Variants in BMP6 observed in about 807,000 individuals in gnomAD.
BMP6 encodes the protein bone morphogenetic protein 6.
Under a neutral mutation model 54.1 loss-of-function variants are expected in BMP6, and 17 were observed. That is an observed-to-expected ratio of 0.31 (90% CI 0.22 to 0.47). The LOEUF is 0.47. BMP6 is among the 20% of genes least tolerant of loss of function. The pLI, the probability that BMP6 is intolerant of heterozygous loss-of-function variation, is 1.00. For synonymous variants in BMP6, 328 were observed against 291.2 expected (o/e 1.13, Z -1.28); for missense variants, 720 against 690.4 (o/e 1.04, Z -0.48).
At chr6:7,852,912 T>G (rs1759168453) in intron 2 of BMP6, among the ~76,000 whole-genome samples, 1 of 152,146 alleles carries the variant, frequency 6.6e-6, no homozygotes, top group African/African-American at 2.4e-5. Context: ...GAGATCACTT[T>G]TATGAGCTCA....
chr6:7,790,931 C>G (rs1407880783), intron 1 of BMP6, among the ~76,000 whole-genome samples: 1 of 152,140 alleles, frequency 6.6e-6, no homozygotes, highest in Non-Finnish European at 1.5e-5. Flanking sequence ...TGTTCGAGTC[C>G]ACCCTTTCTG....
intron 1 of BMP6, among the ~76,000 whole-genome samples, chr6:7,747,020 C>T (rs1485624466): frequency 6.6e-6 from 1 of 152,220 alleles, no homozygotes; most frequent in Non-Finnish European, 1.5e-5. Flanking sequence ...GACACACTCT[C>T]CTCCTTTCTA....
intron 1 of BMP6, among the ~76,000 whole-genome samples, chr6:7,750,656 T>C (rs1466190713): frequency 1.3e-5 from 2 of 152,186 alleles, no homozygotes; most frequent in African/African-American, 2.4e-5. Context: ...AACTTGAAAT[T>C]TTTTTTAAAA....
chr6:7,834,083 C>G (rs770341448), intron 1 of BMP6, among the ~76,000 whole-genome samples: 3 of 151,576 alleles, frequency 2.0e-5, no homozygotes, highest in Non-Finnish European at 4.4e-5. Context: ...GGGTCTGGGA[C>G]AGGGTAGTGG....
At chr6:7,857,791 A>G (rs371562249) in intron 2 of BMP6, among the ~76,000 whole-genome samples, 1 of 152,250 alleles carries the variant, frequency 6.6e-6, no homozygotes, top group South Asian at 2.1e-4. Context: ...TTTGTCATCA[A>G]CAGCATCTCT....
At chr6:7,850,197 C>T (rs1297641915) in intron 2 of BMP6, among the ~76,000 whole-genome samples, 1 of 152,108 alleles carries the variant, frequency 6.6e-6, no homozygotes, top group Admixed American at 6.6e-5. Flanking sequence ...TGCTGGAGTG[C>T]AGTGGTGCGA....
chr6:7,856,595 A>ATTTTCTTTTTTTTTTTTTTTTTT (rs1759237101), intron 2 of BMP6, among the ~76,000 whole-genome samples: 1 of 83,116 alleles, frequency 1.2e-5, no homozygotes, highest in East Asian at 7.2e-4. Context: ...TATCAAGAGC[A>ATTTTCTTTTTTTTTTTTTTTTTT]TTTTTTTTTT....
At chr6:7,805,702 G>A (rs1277252832) in intron 1 of BMP6, among the ~76,000 whole-genome samples, 1 of 152,220 alleles carries the variant, frequency 6.6e-6, no homozygotes, top group African/African-American at 2.4e-5. Flanking sequence ...TTTGGTACAA[G>A]AGCTCTTCCG....
At chr6:7,750,282 G>A (rs912550329) in intron 1 of BMP6, among the ~76,000 whole-genome samples, 1 of 152,162 alleles carries the variant, frequency 6.6e-6, no homozygotes, top group Non-Finnish European at 1.5e-5. Context: ...ATTCGTCTAA[G>A]AGCATGCTGT....
intron 1 of BMP6, among the ~76,000 whole-genome samples, chr6:7,808,937 A>AC (rs944467964): frequency 6.6e-6 from 1 of 151,120 alleles, no homozygotes; most frequent in Non-Finnish European, 1.5e-5. Context: ...AAAAAAAAAA[A>AC]ATTGGTGAAC....
At chr6:7,815,593 A>G (rs1000455207) in intron 1 of BMP6, among the ~76,000 whole-genome samples, 2 of 152,266 alleles carry the variant, frequency 1.3e-5, no homozygotes, top group African/African-American at 4.8e-5. Context: ...TTGAAATTAC[A>G]GTATTATGAA....
chr6:7,789,586 G>A (rs1364883821), intron 1 of BMP6, among the ~76,000 whole-genome samples: 1 of 152,148 alleles, frequency 6.6e-6, no homozygotes, highest in Non-Finnish European at 1.5e-5. Flanking sequence ...GATATTGAGG[G>A]GCAGATGGAC....
chr6:7,856,620 G>T, intron 2 of BMP6, among the ~76,000 whole-genome samples: 2 of 44,346 alleles, frequency 4.5e-5, no homozygotes, highest in Non-Finnish European at 7.9e-5. Flanking sequence ...TTTTTGAGAC[G>T]GAGTCTCGCT....
intron 1 of BMP6, among the ~76,000 whole-genome samples, chr6:7,756,079 A>G (rs190102748): frequency 3.4e-4 from 51 of 152,230 alleles, no homozygotes; most frequent in African/African-American, 1.2e-3. Flanking sequence ...TTAAATTCAG[A>G]AAAATTTGGT....
intron 4 of BMP6, among the ~76,000 whole-genome samples, chr6:7,878,576 G>A (rs1171619456): frequency 6.6e-6 from 1 of 152,190 alleles, no homozygotes; most frequent in African/African-American, 2.4e-5. Flanking sequence ...CCGTTCCTGG[G>A]CCTCCTGGTT....
chr6:7,869,414 T>C (rs1321762253), intron 4 of BMP6, among the ~76,000 whole-genome samples: 3 of 152,266 alleles, frequency 2.0e-5, no homozygotes, highest in South Asian at 2.1e-4. Flanking sequence ...AACCCAGATG[T>C]TATGCTTAGT....
chr6:7,736,657 T>G (rs1333426809), intron 1 of BMP6, among the ~76,000 whole-genome samples: 1 of 152,244 alleles, frequency 6.6e-6, no homozygotes, highest in African/African-American at 2.4e-5. Flanking sequence ...TAAATAAATA[T>G]GAGAATACAA....
At chr6:7,863,231 C>A (rs1759364947) in intron 4 of BMP6, among the ~76,000 whole-genome samples, 1 of 152,208 alleles carries the variant, frequency 6.6e-6, no homozygotes, top group Non-Finnish European at 1.5e-5. Flanking sequence ...ATCTCCTGAC[C>A]TCGTGATCCA....
chr6:7,750,358 T>G (rs1430610692), intron 1 of BMP6, among the ~76,000 whole-genome samples: 1 of 152,016 alleles, frequency 6.6e-6, no homozygotes, highest in Non-Finnish European at 1.5e-5. Flanking sequence ...ATGATAGAGA[T>G]ATGTTTGGGG....
Sources: allele counts gnomAD v4.1 joint callset (sites outside exome capture counted in the v4.1 genomes callset), GRCh38; gene constraint gnomAD v4.1.1; transcripts MANE v1.5; gene names NCBI Gene and HGNC (gene_info 2026-07-23, HGNC 2026-07-21).